Variants in RPSA2 observed in about 807,000 individuals in gnomAD.
RPSA2 encodes ribosomal protein SA 2.
At chr19:23,781,455 C>T in the RPSA2 span, among the ~76,000 whole-genome samples, 1 of 152,150 alleles carries the variant, frequency 6.6e-6, no homozygotes, top group Non-Finnish European at 1.5e-5. Flanking sequence ...TCTCCTGCCT[C>T]AGCCTTCCGA....
chr19:23,824,342 T>G, the RPSA2 span, among the ~76,000 whole-genome samples: 7 of 140,808 alleles, frequency 5.0e-5, no homozygotes, highest in African/African-American at 1.8e-4. Context: ...CTTGTGACCT[T>G]GTCATGTTGC....
the RPSA2 span, among the ~76,000 whole-genome samples, chr19:23,852,291 C>A: frequency 6.6e-6 from 1 of 152,098 alleles, no homozygotes. Context: ...ATGTTACCTG[C>A]TGAGACCAGC....
the RPSA2 span, among the ~76,000 whole-genome samples, chr19:23,760,509 T>C: frequency 3.3e-5 from 5 of 152,010 alleles, no homozygotes; most frequent in African/African-American, 1.2e-4. Context: ...TGGCATGTGC[T>C]GGGTTGTGGT....
the RPSA2 span, among the ~76,000 whole-genome samples, chr19:23,841,841 T>C: frequency 4.6e-5 from 7 of 152,206 alleles, no homozygotes; most frequent in Non-Finnish European, 7.3e-5. Flanking sequence ...TGAGCACTTG[T>C]ACTCCAAACT....
At chr19:23,777,724 T>A in the RPSA2 span, among the ~76,000 whole-genome samples, 3 of 152,166 alleles carry the variant, frequency 2.0e-5, no homozygotes, top group Non-Finnish European at 4.4e-5. Context: ...TGCCTGAGCC[T>A]TGCCCACAAG....
At chr19:23,853,533 A>C in the RPSA2 span, among the ~76,000 whole-genome samples, 13 of 152,248 alleles carry the variant, frequency 8.5e-5, no homozygotes, top group Non-Finnish European at 1.3e-4. Context: ...ATTAGGAGGC[A>C]TGGCATTGGC....
chr19:23,833,584 T>C, the RPSA2 span, among the ~76,000 whole-genome samples: 4 of 152,094 alleles, frequency 2.6e-5, no homozygotes, highest in African/African-American at 9.7e-5. Context: ...TTCTAACTAA[T>C]GCTCACACGT....
At chr19:23,770,751 C>T in the RPSA2 span, among the ~76,000 whole-genome samples, 3 of 152,130 alleles carry the variant, frequency 2.0e-5, no homozygotes, top group Non-Finnish European at 4.4e-5. Context: ...ACTCTGCTGA[C>T]TGTATTCTGC....
At chr19:23,854,851 A>G in the RPSA2 span, among the ~76,000 whole-genome samples, 5 of 152,160 alleles carry the variant, frequency 3.3e-5, no homozygotes, top group Non-Finnish European at 7.3e-5. Flanking sequence ...CACAAGCTTT[A>G]ATATATGCAG....
the RPSA2 span, chr19:23,828,017 G>T: frequency 2.8e-6 from 2 of 725,156 alleles, no homozygotes; most frequent in African/African-American, 3.5e-5. Context: ...TCAGGCCACT[G>T]AATGGGTAGG....
the RPSA2 span, among the ~76,000 whole-genome samples, chr19:23,866,519 C>CA: frequency 2.5e-4 from 37 of 146,492 alleles, no homozygotes; most frequent in Admixed American, 6.1e-4. Context: ...TGGTGCCCCC[C>CA]CCCGCCCAGT....
At chr19:23,771,939 C>T in the RPSA2 span, among the ~76,000 whole-genome samples, 1 of 152,148 alleles carries the variant, frequency 6.6e-6, no homozygotes, top group African/African-American at 2.4e-5. Flanking sequence ...CTGCCTGGGC[C>T]CTGCCGGAAG....
At chr19:23,862,256 A>T in the RPSA2 span, among the ~76,000 whole-genome samples, 1 of 152,002 alleles carries the variant, frequency 6.6e-6, no homozygotes, top group African/African-American at 2.4e-5. Context: ...GAAGTTGCTT[A>T]TCAGCTTAAG....
the RPSA2 span, among the ~76,000 whole-genome samples, chr19:23,788,206 C>T: frequency 6.6e-6 from 1 of 151,722 alleles, no homozygotes; most frequent in East Asian, 2.0e-4. Flanking sequence ...AAGGCCTTGC[C>T]TACTGTAGTG....
chr19:23,769,904 A>G, the RPSA2 span, among the ~76,000 whole-genome samples: 1 of 152,262 alleles, frequency 6.6e-6, no homozygotes, highest in South Asian at 2.1e-4. Context: ...GTATTATGAA[A>G]TATCTTTATA....
chr19:23,808,166 A>G, the RPSA2 span, among the ~76,000 whole-genome samples: 1 of 152,110 alleles, frequency 6.6e-6, no homozygotes, highest in African/African-American at 2.4e-5. Flanking sequence ...TAATTTCAGA[A>G]GTTTAGTTGC....
the RPSA2 span, among the ~76,000 whole-genome samples, chr19:23,766,267 C>T: frequency 6.6e-6 from 1 of 150,572 alleles, no homozygotes; most frequent in Non-Finnish European, 1.5e-5. Context: ...ATTCTCCCAC[C>T]GCAGCCTCCC....
the RPSA2 span, among the ~76,000 whole-genome samples, chr19:23,774,325 CTCA>C: frequency 6.6e-6 from 1 of 152,326 alleles, no homozygotes; most frequent in East Asian, 1.9e-4. Context: ...TATATTTCCA[CTCA>C]TCATCAAAGT....
the RPSA2 span, among the ~76,000 whole-genome samples, chr19:23,847,208 C>CTT: frequency 5.5e-5 from 8 of 144,248 alleles, no homozygotes; most frequent in African/African-American, 2.0e-4. Context: ...ATTTTTGTTT[C>CTT]TTTTTTTTTT....
Sources: allele counts gnomAD v4.1 joint callset (sites outside exome capture counted in the v4.1 genomes callset), GRCh38; gene constraint gnomAD v4.1.1; transcripts MANE v1.5; gene names NCBI Gene and HGNC (gene_info 2026-07-23, HGNC 2026-07-21).